SHANK2: variants seen among roughly 807,000 people sequenced by gnomAD.
The protein encoded by SHANK2 is SH3 and multiple ankyrin repeat domains 2.
In SHANK2, 43 loss-of-function variants were observed where a neutral mutation model predicts 133.7. The observed-to-expected ratio is 0.32, with a 90% confidence interval of 0.25 to 0.41. The LOEUF (loss-of-function observed/expected upper bound fraction) is 0.41, where lower values mean the gene tolerates loss of function less well. Ranked by LOEUF, SHANK2 falls within the 10% of genes least tolerant of loss-of-function variation. The pLI, the probability that SHANK2 is intolerant of heterozygous loss-of-function variation, is 1.00. For synonymous variants in SHANK2, 1,017 were observed against 952.8 expected (o/e 1.07, Z -1.24); for missense variants, 1,994 against 2,235.8 (o/e 0.89, Z 2.18).
chr11:70,769,890 TGA>T (rs2135039554), intron 14 of SHANK2, among the ~76,000 whole-genome samples: 1 of 152,264 alleles, frequency 6.6e-6, no homozygotes, highest in African/African-American at 2.4e-5. Context: ...CATGTGTTTG[TGA>T]GAGAGGCACC....
chr11:70,586,726 G>A (rs2060258355), intron 17 of SHANK2, among the ~76,000 whole-genome samples: 1 of 152,200 alleles, frequency 6.6e-6, no homozygotes, highest in South Asian at 2.1e-4. Context: ...TATCCTAGGG[G>A]AATGGCGAGG....
chr11:70,695,422 G>A lies in SHANK2; in HGVS notation c.1853+3266C>T, dbSNP rs950242938. 2.0e-5 allele frequency among the ~76,000 whole-genome samples: 3 copies of A among 152,186 alleles called. No homozygotes were observed. The East Asian group carries it at 5.8e-4, about 29-fold the overall frequency. ...ATGCACTTTGAAAACATGATGCAGA[G>A]TGGAAGAAGCCAGACACAAAAGACC... On this transcript the variant is annotated intron_variant, in intron 15 of 25. Transcript: ENST00000601538.
At chr11:71,058,953 G>C (rs1416120259) in intron 9 of SHANK2, among the ~76,000 whole-genome samples, 5 of 152,352 alleles carry the variant, frequency 3.3e-5, no homozygotes, top group African/African-American at 1.2e-4. Context: ...GGTGGCTCAC[G>C]TCTGTAATCC....
At chr11:70,541,237 G>C (rs11236586) in intron 17 of SHANK2, among the ~76,000 whole-genome samples, 29,905 of 152,188 alleles carry the variant, frequency 0.2, 3,659 homozygotes, top group African/African-American at 0.32. Flanking sequence ...CTCCTGCACC[G>C]GTGATGGACA....
Position 70,486,963 on chromosome 11 carries a change from C to T in SHANK2, c.3330G>A (p.Glu1110=). 6.2e-7 allele frequency: 1 copy of T among 1,612,346 alleles called. No individual in the cohort carries two copies. The highest frequency in any genetic ancestry group is 8.5e-7 in the Non-Finnish European group (1 of 1,179,812). ...GGGCGGGTGGCCCCAGGCCCACATC[C>T]TCATCCCCCAGGTCTGTGGAGAGGA... ...PAFLSTDLGD[E]DVGLGPPAPR... is the part of the protein sequence containing the mutation. Residue 1110 remains glutamate (E), a synonymous_variant, in exon 25 of 26, where the codon GAG becomes GAA. Coordinates refer to ENST00000601538, the MANE Select transcript of SHANK2 (RefSeq NM_012309.5). This position sits in a 1 kb window ranked among gnomAD's most constrained non-coding sequence, Gnocchi z 8.0.
chr11:70,580,617 G>A (rs1380799794), intron 17 of SHANK2, among the ~76,000 whole-genome samples: 3 of 152,194 alleles, frequency 2.0e-5, no homozygotes, highest in Non-Finnish European at 4.4e-5. Context: ...AGGGAGTGGT[G>A]TTTTGCCAGG....
At chr11:70,677,281 C>T (rs1166103153) in intron 15 of SHANK2, among the ~76,000 whole-genome samples, 1 of 152,164 alleles carries the variant, frequency 6.6e-6, no homozygotes, top group African/African-American at 2.4e-5. Flanking sequence ...CTTCCAGACA[C>T]CCCAGACAAG....
chr11:71,122,698 G>A (rs1305481550), intron 3 of SHANK2, among the ~76,000 whole-genome samples: 3 of 152,074 alleles, frequency 2.0e-5, no homozygotes, highest in Non-Finnish European at 2.9e-5. Flanking sequence ...ACGGGGAGAC[G>A]ACCACGTGAA....
intron 17 of SHANK2, among the ~76,000 whole-genome samples, chr11:70,528,843 A>G (rs2059432487): frequency 6.6e-6 from 1 of 152,064 alleles, no homozygotes; most frequent in Non-Finnish European, 1.5e-5. Flanking sequence ...CACCCAGAGG[A>G]ACCCAGGTGG....
chr11:70,547,262 A>G (rs1554976581), intron 17 of SHANK2, among the ~76,000 whole-genome samples: 1 of 152,144 alleles, frequency 6.6e-6, no homozygotes, highest in African/African-American at 2.4e-5. Flanking sequence ...AACTGTATTT[A>G]TTAACAACTT....
chr11:70,555,107 C>T (rs7931750), intron 17 of SHANK2, among the ~76,000 whole-genome samples: 3,465 of 151,964 alleles, frequency 0.023, 126 homozygotes, highest in African/African-American at 0.08. Context: ...TTGGGGGTGC[C>T]GTAAAACACA....
At chr11:70,832,042 C>T (rs1190323296) in intron 11 of SHANK2, among the ~76,000 whole-genome samples, 2 of 152,202 alleles carry the variant, frequency 1.3e-5, no homozygotes, top group African/African-American at 2.4e-5. Context: ...GCTTGGTGCA[C>T]GCAACACCGT....
At chr11:70,579,693 C>T (rs551353467) in intron 17 of SHANK2, among the ~76,000 whole-genome samples, 2 of 152,376 alleles carry the variant, frequency 1.3e-5, no homozygotes, top group African/African-American at 4.8e-5. Flanking sequence ...GCCACGGCTG[C>T]AAGATGTCTA....
Position 71,175,598 on chromosome 11 carries a change from G to GAGGGAGAC in SHANK2, c.-12-28261_-12-28260insGTCTCCCT, listed in dbSNP as rs1953424829. Reference sequence around the variant, plus strand: ...AGAGAGAGAGAGAGAGAGAGAGAGAGAGAGACAGAGACAGAGACATCGCTT... The same window carrying GAGGGAGAC: ...AGAGAGAGAGAGAGAGAGAGAGAGAGAGGGAGACAGAGACAGAGACAGAGACATCGCTT... On this transcript the variant is annotated intron_variant, in intron 2 of 25. Transcript: ENST00000601538. This position sits in a 1 kb window ranked among gnomAD's most constrained non-coding sequence, Gnocchi z 4.2. Among the ~76,000 whole-genome samples, 1 of 107,330 alleles carries GAGGGAGAC rather than the reference G, an allele frequency of 9.3e-6. No individual in the cohort carries two copies. Among genetic ancestry groups the GAGGGAGAC allele is most frequent in the African/African-American group, 3.3e-5 (1 of 30,026 alleles). The allele number at this position is 107,330 out of a possible 152,430, so 70.4% of individuals were successfully genotyped here. A position where few individuals can be genotyped will look rare whatever the true frequency, so the allele number is the denominator to read the frequency against.
At chr11:70,863,140 G>A (rs1051532869) in intron 11 of SHANK2, 9 of 359,868 alleles carry the variant, frequency 2.5e-5, no homozygotes, top group South Asian at 1.8e-4. Context: ...CACATTCCAG[G>A]GACAAATCTC....
intron 25 of SHANK2, among the ~76,000 whole-genome samples, chr11:70,483,012 C>T (rs1023625472): frequency 4.6e-5 from 7 of 152,184 alleles, no homozygotes; most frequent in Admixed American, 2.6e-4. Flanking sequence ...CCTGGACTCC[C>T]CGAGTGGAGT....
intron 12 of SHANK2, among the ~76,000 whole-genome samples, chr11:70,818,308 CACAA>C (rs1293749078): frequency 1.3e-5 from 2 of 152,154 alleles, no homozygotes; most frequent in African/African-American, 4.8e-5. Flanking sequence ...CACAGGCATA[CACAA>C]ACACATACAC....
At chr11:71,084,578 A>T (rs1283919238) in intron 8 of SHANK2, among the ~76,000 whole-genome samples, 1 of 152,226 alleles carries the variant, frequency 6.6e-6, no homozygotes, top group Admixed American at 6.5e-5. Context: ...AGAGACACAG[A>T]CTTTAAATGC....
Position 70,659,196 on chromosome 11 carries a change from T to C in SHANK2, c.2061+632A>G, listed in dbSNP as rs2061449226. Among the ~76,000 whole-genome samples the C allele has an allele frequency of 2.0e-5, 3 of 152,180 alleles. No individual in the cohort carries two copies. The South Asian group carries it at 6.2e-4, about 32-fold the overall frequency. On this transcript the variant is annotated intron_variant, in intron 17 of 25. Transcript: ENST00000601538. ...CAGAGCCGGAGCACTCAAACCTCTATTCTCTAAAGGAAGAGAATGCTCTTT... is the reference window on the plus strand; with the variant it reads ...CAGAGCCGGAGCACTCAAACCTCTACTCTCTAAAGGAAGAGAATGCTCTTT...
Sources: gnomAD v4.1 joint callset for allele counts (sites outside exome capture counted in the v4.1 genomes callset) on GRCh38, gnomAD v4.1.1 for gene constraint, Gnocchi (gnomAD v3.1) non-coding constraint, MANE v1.5 for transcripts, NCBI Gene and HGNC (gene_info 2026-07-23, HGNC 2026-07-21) for gene names.